CELF2: variants seen among roughly 807,000 people sequenced by gnomAD.
CELF2 encodes CUG triplet repeat RNA-binding protein 2.
CELF2 carries 8 observed loss-of-function variants against 62.6 expected under a neutral mutation model. The ratio of observed to expected loss-of-function variants is 0.13; its 90% CI spans 0.07 to 0.23. The LOEUF is 0.23. CELF2 is among the 10% of genes least tolerant of loss of function. The pLI, the probability that CELF2 is intolerant of heterozygous loss-of-function variation, is 1.00. For missense variants in CELF2, 333 were observed against 671.0 expected, an observed-to-expected ratio of 0.50 and a Z score of 5.56; for synonymous variants, 258 against 250.0, an observed-to-expected ratio of 1.03 and a Z score of -0.30.
chr10:10,535,942 A>G, the CELF2 span, among the ~76,000 whole-genome samples: 1 of 152,060 alleles, frequency 6.6e-6, no homozygotes, highest in Admixed American at 6.5e-5. Flanking sequence ...CCATGATTCA[A>G]TGGGACTGGG....
At chr10:10,513,467 C>T in the CELF2 span, among the ~76,000 whole-genome samples, 3 of 152,166 alleles carry the variant, frequency 2.0e-5, no homozygotes, top group African/African-American at 7.2e-5. Context: ...ACAGTAACTA[C>T]TTCTGTCCAG....
At chr10:10,478,642 C>T in the CELF2 span, among the ~76,000 whole-genome samples, 73 of 152,228 alleles carry the variant, frequency 4.8e-4, no homozygotes, top group African/African-American at 1.5e-3. Flanking sequence ...TATATGAGAT[C>T]GCCCTAAATA....
At chr10:11,326,192 T>G (rs2095714357) in intron 12 of CELF2, among the ~76,000 whole-genome samples, 1 of 152,224 alleles carries the variant, frequency 6.6e-6, no homozygotes, top group Non-Finnish European at 1.5e-5. Context: ...TCTTCTATAC[T>G]ACACTATTAA....
At chr10:10,585,592 A>T in the CELF2 span, among the ~76,000 whole-genome samples, 1 of 152,168 alleles carries the variant, frequency 6.6e-6, no homozygotes, top group Non-Finnish European at 1.5e-5. Flanking sequence ...ATAAAGGTGC[A>T]TTTGCTCCAT....
In CELF2 at chr10:11,211,128, A is replaced by T. The variant is rs987042060; in HGVS notation, c.272-6297A>T. 5.9e-5 allele frequency among the ~76,000 whole-genome samples: 9 copies of T among 152,228 alleles called. No homozygotes were observed. The highest frequency in any genetic ancestry group is 8.8e-5 in the Non-Finnish European group (6 of 68,038). The stretch of plus-strand genomic sequence containing the variant: ...CCAGTCTCTACTAAATAATTTAAAA[A>T]TTAGCCTGGTGTAGTGGCACATGCC... On this transcript the variant is annotated intron_variant, in intron 2 of 12. Coordinates refer to ENST00000633077, the MANE Select transcript of CELF2 (RefSeq NM_001326342.2). The surrounding 1 kb of genome is among the most constrained non-coding windows in gnomAD (Gnocchi z 4.8).
At chr10:10,915,256 C>G (rs1324864182) in intron 1 of CELF2, among the ~76,000 whole-genome samples, 2 of 151,948 alleles carry the variant, frequency 1.3e-5, no homozygotes, top group Non-Finnish European at 2.9e-5. Flanking sequence ...ATAACTATAT[C>G]AGGCATTTTT....
chr10:10,765,476 G>A, the CELF2 span, among the ~76,000 whole-genome samples: 17 of 152,132 alleles, frequency 1.1e-4, no homozygotes, highest in South Asian at 8.3e-4. Flanking sequence ...AGACCTATCC[G>A]CCACACTTAC....
At chr10:10,520,899 A>G in the CELF2 span, among the ~76,000 whole-genome samples, 1 of 152,168 alleles carries the variant, frequency 6.6e-6, no homozygotes, top group Non-Finnish European at 1.5e-5. Flanking sequence ...AAAAAAGGGG[A>G]AGTTTAAATG....
chr10:10,484,795 C>T, the CELF2 span, among the ~76,000 whole-genome samples: 2 of 152,010 alleles, frequency 1.3e-5, no homozygotes, highest in Admixed American at 6.5e-5. Context: ...TATCAAATCA[C>T]ACAATGACAT....
At chr10:10,868,257 G>A (rs1258509635) in intron 1 of CELF2, among the ~76,000 whole-genome samples, 1 of 152,206 alleles carries the variant, frequency 6.6e-6, no homozygotes, top group Non-Finnish European at 1.5e-5. Flanking sequence ...GTTGGCTAGG[G>A]CTGCAGCTAT....
intron 1 of CELF2, among the ~76,000 whole-genome samples, chr10:10,919,620 G>A (rs2064693319): frequency 1.3e-5 from 2 of 152,208 alleles, no homozygotes; most frequent in Non-Finnish European, 2.9e-5. Context: ...CGTTTAACAT[G>A]TAAATGTCTA....
chr10:11,161,061 G>T (rs554866171), intron 1 of CELF2, among the ~76,000 whole-genome samples: 16 of 152,170 alleles, frequency 1.1e-4, no homozygotes, highest in Non-Finnish European at 1.9e-4. Flanking sequence ...ACTGATTAGA[G>T]GGACCTCAGA....
chr10:11,244,239 C>T lies in CELF2; in HGVS notation c.355-4914C>T, dbSNP rs930382319. 1.3e-5 allele frequency among the ~76,000 whole-genome samples: 2 copies of T among 152,264 alleles called. No individual in the cohort carries two copies. The highest frequency in any genetic ancestry group is 2.9e-5 in the Non-Finnish European group (2 of 68,050). On this transcript the variant is annotated intron_variant, in intron 3 of 12. Transcript: ENST00000633077. This position sits in a 1 kb window ranked among gnomAD's most constrained non-coding sequence, Gnocchi z 4.2. ...CTGTCCTGGCACCTAGGGAAGATTT[C>T]ATTCAGGAGTGAGTAGATGGGCATT...
chr10:11,025,024 G>A (rs2058909258), intron 1 of CELF2, among the ~76,000 whole-genome samples: 1 of 152,088 alleles, frequency 6.6e-6, no homozygotes. Context: ...AAATTTTAAG[G>A]TGGTATTTTA....
At chr10:10,927,581 G>C (rs926966691) in intron 2 of CELF2, among the ~76,000 whole-genome samples, 1 of 151,922 alleles carries the variant, frequency 6.6e-6, no homozygotes, top group Non-Finnish European at 1.5e-5. Context: ...GTGTACATCA[G>C]CACACTGGGC....
the CELF2 span, among the ~76,000 whole-genome samples, chr10:10,720,130 C>T: frequency 1.5e-3 from 225 of 152,284 alleles, 1 homozygote; most frequent in African/African-American, 5.2e-3. Context: ...TCGTCAGAAG[C>T]GCTGGGGCTC....
the CELF2 span, among the ~76,000 whole-genome samples, chr10:10,541,210 T>C: frequency 7.7e-6 from 1 of 129,582 alleles, no homozygotes. Flanking sequence ...GCCACTGCAC[T>C]CCAGGCTGGG....
the CELF2 span, among the ~76,000 whole-genome samples, chr10:10,512,351 A>G: frequency 6.6e-6 from 1 of 151,968 alleles, no homozygotes; most frequent in Non-Finnish European, 1.5e-5. Flanking sequence ...GATGCACATT[A>G]AACACAAGAC....
the CELF2 span, among the ~76,000 whole-genome samples, chr10:10,745,429 A>G: frequency 6.6e-6 from 1 of 152,166 alleles, no homozygotes; most frequent in African/African-American, 2.4e-5. Context: ...ACATTTTCAC[A>G]TATTCATCCA....
Sources: allele counts gnomAD v4.1 joint callset (sites outside exome capture counted in the v4.1 genomes callset), GRCh38; gene constraint gnomAD v4.1.1; non-coding constraint Gnocchi (gnomAD v3.1); transcripts MANE v1.5; gene names NCBI Gene and HGNC (gene_info 2026-07-23, HGNC 2026-07-21).